CHP2: variants seen among roughly 807,000 people sequenced by gnomAD.
CHP2 encodes the protein calcineurin like EF-hand protein 2.
CHP2 carries 31 observed loss-of-function variants against 24.7 expected under a neutral mutation model. The observed-to-expected ratio is 1.26, with a 90% CI of 0.94 to 1.69. The LOEUF is 1.69. CHP2 is among the 40% of genes most tolerant of loss of function. The pLI is 0.00. For missense variants in CHP2, 319 were observed against 261.5 expected (o/e 1.22, Z -1.52); for synonymous variants, 97 against 99.1 (o/e 0.98, Z 0.13).
intron 5 of CHP2, 25 bp downstream of exon 5, chr16:23,756,474 A>G (rs769463598): frequency 1.9e-6 from 3 of 1,597,024 alleles, no homozygotes; most frequent in Non-Finnish European, 1.7e-6. Context: ...AGAGCAAGAG[A>G]TGTGATGTGT....
Position 23,757,585 on chromosome 16 carries a change from T to A in CHP2, c.*2T>A, listed in dbSNP as rs777550065. ...ATGAGCATCCGGATCCTGAAGTGACTCCGTTTGTGCCTTGGGCTTGCTCCT... is the reference window on the plus strand; with the variant it reads ...ATGAGCATCCGGATCCTGAAGTGACACCGTTTGTGCCTTGGGCTTGCTCCT... On this transcript the variant is annotated 3_prime_UTR_variant, in exon 7 of 7. Transcript: ENST00000300113. 1 of 1,613,736 alleles carries A rather than the reference T, an allele frequency of 6.2e-7. No individual in the cohort carries two copies. Among genetic ancestry groups the A allele is most frequent in the East Asian group, 2.2e-5 (1 of 44,878 alleles).
At position 23,756,121 on chromosome 16, in the gene CHP2, G is replaced by C. The variant is rs1261768343; in HGVS notation, c.280G>C (p.Glu94Gln). The change falls in exon 4 of 7, where the codon GAA (glutamate) becomes CAA (glutamine). Residue 94 changes from glutamate to glutamine, a missense_variant. Transcript: ENST00000300113. Reference sequence around the variant, plus strand: ...GGTCTTGGCTCATTTTCGCCCTGTAGAAGATGAGGACACAGAAACCCAAGA... The same window carrying C: ...GGTCTTGGCTCATTTTCGCCCTGTACAAGATGAGGACACAGAAACCCAAGA... ...VRVLAHFRPVEDEDTETQDPK... is the reference protein window; with the variant it reads ...VRVLAHFRPVQDEDTETQDPK... 12 of 1,614,148 alleles carry C rather than the reference G, an allele frequency of 7.4e-6. No individual in the cohort carries two copies. The South Asian group carries it at 1.3e-4, about 18-fold the overall frequency.
In CHP2 at chr16:23,757,791, A is replaced by G. The variant is rs1022061348; in HGVS notation, c.*208A>G. The G allele has an allele frequency of 6.6e-6, 4 of 608,126 alleles. No homozygotes were observed. Among genetic ancestry groups the G allele is most frequent in the African/African-American group, 5.5e-5 (3 of 54,306 alleles). 37.7% of individuals were successfully genotyped at this position (608,126 alleles called of 1,614,324 possible). On this transcript the variant is annotated 3_prime_UTR_variant, in exon 7 of 7. Coordinates refer to ENST00000300113, the MANE Select transcript of CHP2 (RefSeq NM_022097.4). The stretch of plus-strand genomic sequence containing the variant: ...TTTTGGCATCAGGGACAGTTTTTCC[A>G]CGGATGGGTGACAGGGGATGGTTTT...
rs1961218620 is a variant in CHP2, at chr16:23,755,990, G to A, written c.221+63G>A. The A allele has an allele frequency of 3.1e-6, 5 of 1,613,592 alleles. No individual in the cohort carries two copies. The Admixed American group carries it at 5.0e-5, about 16-fold the overall frequency. ...AACCGGTGTGTGAGTGGGTGGGAGG[G>A]GAGGTTAGAGACGGAGGCAAAGTGA... On this transcript the variant is annotated intron_variant, in intron 3 of 6. Coordinates refer to ENST00000300113, the MANE Select transcript of CHP2 (RefSeq NM_022097.4).
Position 23,755,700 on chromosome 16 carries a change from G to A in CHP2, c.107G>A (p.Arg36Gln), listed in dbSNP as rs558012605. 18 of 1,614,036 alleles carry A rather than the reference G, an allele frequency of 1.1e-5. No homozygotes were observed. Among genetic ancestry groups the A allele is most frequent in the African/African-American group, 2.7e-5 (2 of 74,914 alleles). ...CTGCTCCGCCTGCACCACCGGTTCC[G>A]GGCACTGGACAGGAATAAGAAGGGC... is the stretch of plus-strand genomic sequence containing the variant. Reference protein sequence around the residue: ...ASLLRLHHRFRALDRNKKGYL... With the variant: ...ASLLRLHHRFQALDRNKKGYL... Residue 36 changes from arginine to glutamine, a missense_variant, in exon 2 of 7, where the codon CGG (arginine) becomes CAG (glutamine). Arg to Gln is a conservative substitution (Grantham distance 43). Transcript: ENST00000300113.
chr16:23,756,462 C>T lies in CHP2; in HGVS notation c.414+13C>T, dbSNP rs752062040. 10 of 1,609,200 alleles carry T rather than the reference C, an allele frequency of 6.2e-6. No homozygotes were observed. Among genetic ancestry groups the T allele is most frequent in the East Asian group, 2.2e-5 (1 of 44,838 alleles). ...TGAGATGCTGCAGGTTGGCAGAAAG[C>T]GAGAGCAAGAGATGTGATGTGTGAA... On this transcript the variant is annotated intron_variant, in intron 5 of 6. Transcript: ENST00000300113.
Position 23,757,191 on chromosome 16 carries a change from C to T in CHP2, c.415-10C>T. 6.2e-7 allele frequency: 1 copy of T among 1,613,984 alleles called. No homozygotes were observed. The highest frequency in any genetic ancestry group is 8.5e-7 in the Non-Finnish European group (1 of 1,180,002). ...CCCTCCTTATGGCTGCCTCTTCACT[C>T]ATCTCTCAGGTTCTCCGTCTGATGG... On this transcript the variant is annotated splice_polypyrimidine_tract_variant and intron_variant, in intron 5 of 6. Transcript: ENST00000300113.
rs761641494 is a variant in CHP2, at chr16:23,755,618, C to T, written c.68-43C>T. On this transcript the variant is annotated intron_variant, in intron 1 of 6. Transcript: ENST00000300113. Reference sequence around the variant, plus strand: ...TGTTGGGGCGGGTTTCTGGAGCTGGCCCTGCAGAGTCACACACCCCCACCC... The same window carrying T: ...TGTTGGGGCGGGTTTCTGGAGCTGGTCCTGCAGAGTCACACACCCCCACCC... The T allele has an allele frequency of 3.2e-6, 5 of 1,566,846 alleles. No homozygotes were observed. In the African/African-American group the frequency reaches 6.8e-5, roughly 21 times the overall value.
At chr16:23,757,064 G>GT (rs397698642) in intron 5 of CHP2, 137 bp from the exon 6 acceptor site, 1 of 981,196 alleles carries the variant, frequency 1.0e-6, no homozygotes. Context: ...ATTATTGGGG[G>GT]ATATGGTGAA....
rs1183719833 is a variant in CHP2 at position 23,756,607 on chromosome 16, G to GT, written c.414+160dup. Among the ~76,000 whole-genome samples the GT allele has an allele frequency of 2.0e-5, 3 of 152,176 alleles. No homozygotes were observed. The East Asian group carries it at 5.8e-4, about 29-fold the overall frequency. ...ATGGGTGCAGTTAGAGTGTGGGTTT[G>GT]TTGGGAGTCGGAGTGGGGAGCAGTT... is the stretch of plus-strand genomic sequence containing the variant. On this transcript the variant is annotated intron_variant, in intron 5 of 6. Coordinates refer to ENST00000300113, the MANE Select transcript of CHP2 (RefSeq NM_022097.4).
intron 1 of CHP2, 151 bp from the exon 2 acceptor site, chr16:23,755,510 G>A (rs894161618): frequency 1.5e-6 from 1 of 688,470 alleles, no homozygotes; most frequent in South Asian, 1.7e-5. Flanking sequence ...CTCTCCCTCC[G>A]CCCCGGCCAG....
chr16:23,757,620 A>G lies in CHP2; in HGVS notation c.*37A>G, dbSNP rs1567268512. 4.4e-6 allele frequency: 7 copies of G among 1,580,794 alleles called. No homozygotes were observed. The highest frequency in any genetic ancestry group is 6.1e-6 in the Non-Finnish European group (7 of 1,149,746). ...CCTTGGGCTTGCTCCTGCAACCAGTATCTCCTTGGAATTCATCCAAAGCCC... is the reference window on the plus strand; with the variant it reads ...CCTTGGGCTTGCTCCTGCAACCAGTGTCTCCTTGGAATTCATCCAAAGCCC... On this transcript the variant is annotated 3_prime_UTR_variant, in exon 7 of 7. Coordinates refer to ENST00000300113, the MANE Select transcript of CHP2 (RefSeq NM_022097.4).
At position 23,755,959 on chromosome 16, in the gene CHP2, C is replaced by T. The variant is rs370800344; in HGVS notation, c.221+32C>T. 1.2e-5 allele frequency: 19 copies of T among 1,613,644 alleles called. No individual in the cohort carries two copies. In the African/African-American group the frequency reaches 1.6e-4, roughly 14 times the overall value. ...CTTGCTGGGCGTGGGGAGGTGAAGG[C>T]GGGAAAACCGGTGTGTGAGTGGGTG... On this transcript the variant is annotated intron_variant, in intron 3 of 6. Transcript: ENST00000300113.
rs751993209 is a variant in CHP2, at chr16:23,757,180, G to A, written c.415-21G>A. 5 of 1,613,828 alleles carry A rather than the reference G, an allele frequency of 3.1e-6. No homozygotes were observed. The Admixed American group carries it at 8.3e-5, about 27-fold the overall frequency. On this transcript the variant is annotated intron_variant, in intron 5 of 6. Coordinates refer to ENST00000300113, the MANE Select transcript of CHP2 (RefSeq NM_022097.4). The stretch of plus-strand genomic sequence containing the variant: ...GCCTTCGTGCCCCCTCCTTATGGCT[G>A]CCTCTTCACTCATCTCTCAGGTTCT...
At chr16:23,755,423 A>ATGG (rs1296879445) in intron 1 of CHP2, 8 of 598,872 alleles carry the variant, frequency 1.3e-5, no homozygotes, top group Admixed American at 2.9e-5. Context: ...GTTGGAAGGG[A>ATGG]TGGCTTTGGT....
chr16:23,756,061 A>T lies in CHP2; in HGVS notation c.222-2A>T, dbSNP rs1423446205. 2 of 1,614,062 alleles carry T rather than the reference A, an allele frequency of 1.2e-6. No individual in the cohort carries two copies. Among genetic ancestry groups the T allele is most frequent in the South Asian group, 2.2e-5 (2 of 91,074 alleles). Reference sequence around the variant, plus strand: ...TCTTTCCATTCTGTCCCGTCTCCCCAGGAGCCAGCGAGTGGATTTCCCAGG... The same window carrying T: ...TCTTTCCATTCTGTCCCGTCTCCCCTGGAGCCAGCGAGTGGATTTCCCAGG... On this transcript the variant is annotated splice_acceptor_variant, in intron 3 of 6. Coordinates refer to ENST00000300113, the MANE Select transcript of CHP2 (RefSeq NM_022097.4). LOFTEE classifies it high-confidence loss of function.
intron 6 of CHP2, 65 bp from the exon 7 acceptor site, chr16:23,757,465 G>T: frequency 3.1e-6 from 5 of 1,587,506 alleles, no homozygotes; most frequent in Non-Finnish European, 4.3e-6. Context: ...AACCCTGGGG[G>T]AGGAGGTTGG....
At chr16:23,757,417 G>A in intron 6 of CHP2, 94 bp downstream of exon 6, 1 of 1,583,276 alleles carries the variant, frequency 6.3e-7, no homozygotes, top group Non-Finnish European at 8.7e-7. Context: ...GGAAAGATAG[G>A]GGTTGCCTGG....
At position 23,755,101 on chromosome 16, in the gene CHP2, C is replaced by G. The variant is rs760704269; in HGVS notation, c.52C>G (p.Arg18Gly). The change falls in exon 1 of 7, where the codon CGG (arginine) becomes GGG (glycine). Residue 18 changes from arginine to glycine, a missense_variant. By Grantham distance (125) the Arg-to-Gly change is moderately radical. Transcript: ENST00000300113. ...GGTCATTCCCGACGGGGACAGTATT[C>G]GGCGAGAGACCGGCTGTGAGTGCGC... ...AAVIPDGDSI[R>G]RETGFSQASL... 2 of 1,601,732 alleles carry G rather than the reference C, an allele frequency of 1.2e-6. No individual in the cohort carries two copies. Among genetic ancestry groups the G allele is most frequent in the Non-Finnish European group, 1.7e-6 (2 of 1,176,440 alleles).
Sources: gnomAD v4.1 joint callset for allele counts (sites outside exome capture counted in the v4.1 genomes callset) on GRCh38, gnomAD v4.1.1 for gene constraint, MANE v1.5 for transcripts, NCBI Gene and HGNC (gene_info 2026-07-23, HGNC 2026-07-21) for gene names.